The following CNTNAP2 variants were observed in gnomAD, a reference collection of about 807,000 sequenced individuals.
CNTNAP2 encodes contactin associated protein 2.
CNTNAP2 carries 98 observed loss-of-function variants against 155.2 expected under a neutral mutation model. The ratio of observed to expected loss-of-function variants is 0.63; its 90% CI spans 0.54 to 0.75. CNTNAP2 has a LOEUF of 0.75. Among genes scored for constraint, CNTNAP2 ranks in the 30% least tolerant of loss-of-function variants. The pLI, the probability that CNTNAP2 is intolerant of heterozygous loss-of-function variation, is 0.00. For missense variants in CNTNAP2, 1,727 were observed against 1,688.1 expected (o/e 1.02, Z -0.40); for synonymous variants, 651 against 631.2 (o/e 1.03, Z -0.47).
chr7:148,229,321 C>T (rs1046417883), intron 19 of CNTNAP2, among the ~76,000 whole-genome samples: 9 of 152,082 alleles, frequency 5.9e-5, no homozygotes, highest in Non-Finnish European at 8.8e-5. Context: ...GTCAGAATTT[C>T]GAGACCAGCC....
At chr7:147,583,503 C>CATATATATATATATAT (rs71183019) in intron 12 of CNTNAP2, among the ~76,000 whole-genome samples, 18 of 129,164 alleles carry the variant, frequency 1.4e-4, no homozygotes, top group African/African-American at 3.6e-4. Context: ...AAAGACATGA[C>CATATATATATATATAT]ATATATATAT....
chr7:147,533,808 T>C (rs1341560263), intron 11 of CNTNAP2, among the ~76,000 whole-genome samples: 3 of 152,128 alleles, frequency 2.0e-5, no homozygotes, highest in African/African-American at 7.2e-5. Flanking sequence ...CTCACAATCA[T>C]ATACTGGCTT....
At chr7:146,222,967 G>C (rs1462105345) in intron 1 of CNTNAP2, among the ~76,000 whole-genome samples, 1 of 152,052 alleles carries the variant, frequency 6.6e-6, no homozygotes, top group Admixed American at 6.5e-5. Flanking sequence ...CCAGGAAAAG[G>C]TAAATTTTTT....
chr7:146,225,651 G>A lies in CNTNAP2; in HGVS notation c.97+108678G>A, dbSNP rs116335512. On this transcript the variant is annotated intron_variant, in intron 1 of 23. Transcript: ENST00000361727. ...AGACAGTCATGGTTCAGGCTTTGAC[G>A]CTGATGACAACTGGTGGAATGTGTG... is the stretch of plus-strand genomic sequence containing the variant. Among the ~76,000 whole-genome samples the A allele has an allele frequency of 6.1e-4, 93 of 152,258 alleles. 1 individual carries two copies. Among genetic ancestry groups the A allele is most frequent in the African/African-American group, 2.2e-3 (91 of 41,552 alleles).
intron 11 of CNTNAP2, among the ~76,000 whole-genome samples, chr7:147,507,400 C>T (rs1323661154): frequency 6.6e-6 from 1 of 152,152 alleles, no homozygotes; most frequent in Non-Finnish European, 1.5e-5. Flanking sequence ...CTCCTCCCCA[C>T]ACCAGTCCAC....
At chr7:147,124,439 T>C (rs1483288749) in intron 6 of CNTNAP2, among the ~76,000 whole-genome samples, 1 of 152,184 alleles carries the variant, frequency 6.6e-6, no homozygotes, top group Non-Finnish European at 1.5e-5. Context: ...TGCCCTGATA[T>C]ATAGCATTTG....
chr7:146,425,057 T>C (rs2129115203), intron 1 of CNTNAP2, among the ~76,000 whole-genome samples: 1 of 152,240 alleles, frequency 6.6e-6, no homozygotes, highest in East Asian at 1.9e-4. Context: ...ATGTGATAGA[T>C]CCACCATGAC....
intron 8 of CNTNAP2, among the ~76,000 whole-genome samples, chr7:147,281,172 G>C (rs1440220966): frequency 6.6e-6 from 1 of 151,714 alleles, no homozygotes; most frequent in Non-Finnish European, 1.5e-5. Context: ...TTTAAAGAAG[G>C]CTATATGTGA....
intron 18 of CNTNAP2, among the ~76,000 whole-genome samples, chr7:148,175,846 C>T (rs1488163927): frequency 6.6e-6 from 1 of 152,114 alleles, no homozygotes; most frequent in African/African-American, 2.4e-5. Context: ...TCCTCCCCAT[C>T]CTCCTTATCA....
chr7:147,789,655 G>C (rs1797789906), intron 13 of CNTNAP2, among the ~76,000 whole-genome samples: 1 of 152,182 alleles, frequency 6.6e-6, no homozygotes, highest in African/African-American at 2.4e-5. Context: ...CAGTGGACTG[G>C]GAGCGAAAGT....
At chr7:146,922,829 G>A (rs967633366) in intron 3 of CNTNAP2, among the ~76,000 whole-genome samples, 1 of 152,088 alleles carries the variant, frequency 6.6e-6, no homozygotes, top group Non-Finnish European at 1.5e-5. Flanking sequence ...CTATTACTTA[G>A]AGCAGCACAT....
chr7:148,199,964 C>T (rs557271578), intron 18 of CNTNAP2, among the ~76,000 whole-genome samples: 1 of 152,320 alleles, frequency 6.6e-6, no homozygotes, highest in South Asian at 2.1e-4. Context: ...GAGCTAGAAG[C>T]ACCAACATCT....
At chr7:146,773,473 G>A (rs550114246) in intron 1 of CNTNAP2, among the ~76,000 whole-genome samples, 7 of 152,256 alleles carry the variant, frequency 4.6e-5, no homozygotes, top group East Asian at 3.9e-4. Context: ...TTGGCTCACC[G>A]CAACCTCTGC....
intron 3 of CNTNAP2, among the ~76,000 whole-genome samples, chr7:146,922,596 T>C (rs1479708518): frequency 6.6e-6 from 1 of 152,174 alleles, no homozygotes; most frequent in Non-Finnish European, 1.5e-5. Flanking sequence ...AGAGGCAGTA[T>C]GGAATTGCAG....
chr7:146,801,955 C>A (rs770226687), intron 2 of CNTNAP2, among the ~76,000 whole-genome samples: 19 of 152,146 alleles, frequency 1.2e-4, no homozygotes, highest in Admixed American at 2.6e-4. Flanking sequence ...GCTGGAAGGA[C>A]TGTGGTGTTA....
chr7:146,774,935 G>A (rs10253963), intron 2 of CNTNAP2, among the ~76,000 whole-genome samples: 1,885 of 152,160 alleles, frequency 0.012, 45 homozygotes, highest in African/African-American at 0.042. Flanking sequence ...GTTAGTAACT[G>A]GCAGTTTCAA....
chr7:147,192,221 C>T (rs145072106), intron 8 of CNTNAP2, among the ~76,000 whole-genome samples: 308 of 152,224 alleles, frequency 2.0e-3, no homozygotes, highest in African/African-American at 7.1e-3. Context: ...CTCCAGTGGT[C>T]GGAAACATTT....
chr7:147,005,260 A>G (rs1048771466), intron 3 of CNTNAP2, among the ~76,000 whole-genome samples: 2 of 152,082 alleles, frequency 1.3e-5, no homozygotes, highest in Admixed American at 1.3e-4. Flanking sequence ...GAAATGATGT[A>G]ATCGGTAACA....
chr7:146,725,143 G>T (rs569961523), intron 1 of CNTNAP2, among the ~76,000 whole-genome samples: 3 of 150,802 alleles, frequency 2.0e-5, no homozygotes, highest in South Asian at 4.2e-4. Flanking sequence ...CACTCACATG[G>T]TGGTCTCCTC....
Sources: allele counts gnomAD v4.1 joint callset (sites outside exome capture counted in the v4.1 genomes callset), GRCh38; gene constraint gnomAD v4.1.1; transcripts MANE v1.5; gene names NCBI Gene and HGNC (gene_info 2026-07-23, HGNC 2026-07-21).